The following DMD variants were observed in gnomAD, a reference collection of about 807,000 sequenced individuals.
The protein encoded by DMD is mutant dystrophin.
A neutral mutation model predicts 330.1 loss-of-function variants in DMD; 63 were observed. The observed-to-expected ratio is 0.19, with a 90% CI of 0.16 to 0.24. The LOEUF (loss-of-function observed/expected upper bound fraction) is 0.24. Among genes scored for constraint, DMD ranks in the 10% least tolerant of loss-of-function variants. The pLI is 1.00. For synonymous variants in DMD, 1,223 were observed against 959.8 expected, an observed-to-expected ratio of 1.27 and a Z score of -5.07; for missense variants, 3,344 against 2,684.1, an observed-to-expected ratio of 1.25 and a Z score of -5.43.
At chrX:32,607,406 G>A (rs767107626) in intron 12 of DMD, among the ~76,000 whole-genome samples, 2 of 108,273 alleles carry the variant, frequency 1.8e-5, no homozygotes, top group East Asian at 5.9e-4. Flanking sequence ...AGACCATTAT[G>A]TAAAAATAGT....
At chrX:32,579,971 T>C (rs2053479430) in intron 13 of DMD, among the ~76,000 whole-genome samples, 1 of 111,233 alleles carries the variant, frequency 9.0e-6, no homozygotes, top group Non-Finnish European at 1.9e-5. Context: ...CCTTTTGTTG[T>C]TGTCACTGCT....
At chrX:32,880,047 G>T (rs1046008325) in intron 2 of DMD, among the ~76,000 whole-genome samples, 1 of 111,020 alleles carries the variant, frequency 9.0e-6, no homozygotes, top group South Asian at 3.8e-4. Flanking sequence ...AAACTTCCTG[G>T]TTTTTTTGAA....
chrX:32,877,424 TA>T (rs2083460817), intron 2 of DMD, among the ~76,000 whole-genome samples: 1 of 112,824 alleles, frequency 8.9e-6, no homozygotes, highest in South Asian at 3.6e-4. Flanking sequence ...ACTTTTTGTT[TA>T]TATTAGAAAA....
intron 7 of DMD, among the ~76,000 whole-genome samples, chrX:32,729,316 A>G (rs1256935137): frequency 8.9e-6 from 1 of 112,183 alleles, no homozygotes; most frequent in Non-Finnish European, 1.9e-5. Flanking sequence ...GATACTCAAC[A>G]TATATTTTGG....
At chrX:31,138,840 AT>A (rs2035674765) in intron 76 of DMD, among the ~76,000 whole-genome samples, 1 of 111,431 alleles carries the variant, frequency 9.0e-6, no homozygotes, top group Admixed American at 9.5e-5. Context: ...TTGAGATGAG[AT>A]TTAGGTGGGA....
intron 50 of DMD, among the ~76,000 whole-genome samples, chrX:31,801,619 T>C (rs1289127649): frequency 2.1e-5 from 2 of 96,258 alleles, no homozygotes; most frequent in Admixed American, 2.3e-4. Flanking sequence ...AACTATTTCT[T>C]GTGCTAGATG....
At chrX:32,434,950 T>C (rs1194342348) in intron 29 of DMD, among the ~76,000 whole-genome samples, 1 of 110,653 alleles carries the variant, frequency 9.0e-6, no homozygotes, top group Non-Finnish European at 1.9e-5. Flanking sequence ...ACTCCCAGGT[T>C]ATTACTGGCC....
intron 59 of DMD, among the ~76,000 whole-genome samples, chrX:31,449,791 T>G (rs5002921): frequency 0.14 from 12,412 of 88,028 alleles, 1,085 homozygotes; most frequent in African/African-American, 0.26. Context: ...TATATATATA[T>G]ATATATAGAT....
chrX:32,012,041 C>A (rs1210863778), intron 44 of DMD, among the ~76,000 whole-genome samples: 1 of 112,283 alleles, frequency 8.9e-6, no homozygotes, highest in South Asian at 3.7e-4. Context: ...GTCCTTTCAA[C>A]TTTCATTATC....
At chrX:31,426,818 A>AT (rs1569541074) in intron 60 of DMD, among the ~76,000 whole-genome samples, 1 of 112,318 alleles carries the variant, frequency 8.9e-6, no homozygotes, top group Non-Finnish European at 1.9e-5. Context: ...AGCAGGAACA[A>AT]TTAGTCTGTT....
intron 2 of DMD, among the ~76,000 whole-genome samples, chrX:32,886,639 C>T (rs923323360): frequency 9.1e-6 from 1 of 110,347 alleles, no homozygotes; most frequent in South Asian, 3.9e-4. Flanking sequence ...GCCGAGATCG[C>T]GCCACTGCAC....
intron 57 of DMD, among the ~76,000 whole-genome samples, chrX:31,484,033 T>C (rs1263544208): frequency 9.0e-6 from 1 of 111,574 alleles, no homozygotes; most frequent in Non-Finnish European, 1.9e-5. Flanking sequence ...ATTAAAATAA[T>C]GGAAAGCCAA....
intron 51 of DMD, among the ~76,000 whole-genome samples, chrX:31,768,220 T>G (rs1204405017): frequency 9.0e-6 from 1 of 111,412 alleles, no homozygotes; most frequent in Non-Finnish European, 1.9e-5. Context: ...ACCAGTATTA[T>G]GAAAAATAAT....
chrX:32,256,166 G>C (rs759018032), intron 43 of DMD, among the ~76,000 whole-genome samples: 3 of 111,056 alleles, frequency 2.7e-5, no homozygotes, highest in Non-Finnish European at 5.7e-5. Context: ...GGGTGCTCCT[G>C]TATTGGGTGC....
intron 2 of DMD, among the ~76,000 whole-genome samples, chrX:32,871,871 T>C (rs1371361095): frequency 9.0e-6 from 1 of 110,638 alleles, no homozygotes; most frequent in East Asian, 2.9e-4. Flanking sequence ...GTTTGGGAGG[T>C]CAAATCCACT....
intron 20 of DMD, among the ~76,000 whole-genome samples, chrX:32,489,168 A>G (rs2042754865): frequency 9.0e-6 from 1 of 111,280 alleles, no homozygotes; most frequent in African/African-American, 3.3e-5. Context: ...CGTAAATACA[A>G]TAAAAGCAGA....
chrX:33,303,220 C>T (rs1486449363), intron 1 of DMD, among the ~76,000 whole-genome samples: 2 of 111,676 alleles, frequency 1.8e-5, no homozygotes, highest in South Asian at 7.5e-4. Flanking sequence ...CTGTCATAAA[C>T]ATCCATGTGC....
At chrX:32,766,914 G>A (rs1350029586) in intron 7 of DMD, among the ~76,000 whole-genome samples, 1 of 110,915 alleles carries the variant, frequency 9.0e-6, no homozygotes, top group Non-Finnish European at 1.9e-5. Flanking sequence ...ACAATAAAAA[G>A]AGGCATATAA....
chrX:31,407,514 C>T (rs2061451551), intron 60 of DMD, among the ~76,000 whole-genome samples: 1 of 103,565 alleles, frequency 9.7e-6, no homozygotes, highest in African/African-American at 3.6e-5. Context: ...CTCTGTTGCC[C>T]AGGCTGGAGT....
Sources: gnomAD v4.1 joint callset for allele counts (sites outside exome capture counted in the v4.1 genomes callset) on GRCh38, gnomAD v4.1.1 for gene constraint, MANE v1.5 for transcripts, NCBI Gene and HGNC (gene_info 2026-07-23, HGNC 2026-07-21) for gene names.